The following YTHDF1 variants were observed in gnomAD, a reference collection of about 807,000 sequenced individuals.
YTHDF1 encodes YTH domain-containing family protein 1.
A neutral mutation model predicts 49.1 loss-of-function variants in YTHDF1; 16 were observed. The ratio of observed to expected loss-of-function variants is 0.33; its 90% CI spans 0.22 to 0.49. The LOEUF (loss-of-function observed/expected upper bound fraction) is 0.49. Ranked by LOEUF, YTHDF1 falls within the 20% of genes least tolerant of loss-of-function variation. The probability of loss-of-function intolerance (pLI) is 0.99; values close to 1 mark genes in which losing one functional copy is unlikely to be tolerated. For missense variants in YTHDF1, 621 were observed against 744.3 expected (o/e 0.83, Z 1.93); for synonymous variants, 313 against 290.1 (o/e 1.08, Z -0.80).
chr20:63,215,493 G>C, intron 2 of YTHDF1, 84 bp downstream of exon 2: 2 of 1,581,324 alleles, frequency 1.3e-6, no homozygotes, highest in Non-Finnish European at 1.7e-6. Context: ...GAAAGTTTCC[G>C]GTTCCAGACG....
intron 3 of YTHDF1, among the ~76,000 whole-genome samples, chr20:63,211,068 T>C (rs1235201960): frequency 2.0e-5 from 3 of 151,632 alleles, no homozygotes; most frequent in Non-Finnish European, 2.9e-5. Flanking sequence ...GCAGGCATTC[T>C]CCTAAGACTT....
intron 3 of YTHDF1, among the ~76,000 whole-genome samples, chr20:63,213,061 T>C (rs1000129100): frequency 6.6e-6 from 1 of 152,136 alleles, no homozygotes; most frequent in South Asian, 2.1e-4. Context: ...CAGTTACTAC[T>C]CTCTCTCTTC....
At chr20:63,215,469 G>T in intron 2 of YTHDF1, 108 bp downstream of exon 2, 1 of 1,472,386 alleles carries the variant, frequency 6.8e-7, no homozygotes, top group Non-Finnish European at 9.4e-7. Flanking sequence ...TCTCCCTGAA[G>T]CTGGCGGAAG....
At chr20:63,209,444 ATTT>A (rs912452821) in intron 3 of YTHDF1, among the ~76,000 whole-genome samples, 1 of 152,020 alleles carries the variant, frequency 6.6e-6, no homozygotes. Flanking sequence ...TTTCTATTAA[ATTT>A]TTTTTAACTT....
chr20:63,209,425 A>G (rs2066563489), intron 3 of YTHDF1, among the ~76,000 whole-genome samples: 1 of 152,216 alleles, frequency 6.6e-6, no homozygotes, highest in South Asian at 2.1e-4. Flanking sequence ...TCCTTATTCC[A>G]TAAGCTTTTT....
In YTHDF1 at chr20:63,205,975, TGCA is replaced by T. The variant is rs1425179808; in HGVS notation, c.133-2171_133-2169del. Reference sequence around the variant, plus strand: ...GTTTCCATGATGCTGGCTCCTTTGCTGCAGCCTTTCCCTCGGGTGCTGCCCTGG... The same window carrying T: ...GTTTCCATGATGCTGGCTCCTTTGCTGCCTTTCCCTCGGGTGCTGCCCTGG... On this transcript the variant is annotated intron_variant, in intron 3 of 4. Transcript: ENST00000370339. Among the ~76,000 whole-genome samples, 6 of 151,518 alleles carry T rather than the reference TGCA, an allele frequency of 4.0e-5. No homozygotes were observed. The East Asian group carries it at 1.2e-3, about 30-fold the overall frequency.
At chr20:63,208,054 T>G (rs143253843) in intron 3 of YTHDF1, among the ~76,000 whole-genome samples, 1 of 152,074 alleles carries the variant, frequency 6.6e-6, no homozygotes, top group East Asian at 1.9e-4. Context: ...TTACTCAAAT[T>G]TAACCACATT....
Position 63,202,466 on chromosome 20 carries a change from T to C in YTHDF1, c.1474A>G (p.Ile492Val). Residue 492 changes from isoleucine to valine, a missense_variant, in exon 4 of 5, where the codon ATC (isoleucine) becomes GTC (valine). By Grantham distance (29) the Ile-to-Val change is conservative. This residue lies in a region of YTHDF1 where 151 missense variants were observed against 248.5 expected (regional missense o/e 0.61). Transcript: ENST00000370339. ...KDVPNNQLRHIRLENNDNKPV... is the reference protein window; with the variant it reads ...KDVPNNQLRHVRLENNDNKPV... ...TTGTTGTCGTTATTCTCCAGCCTGA[T>C]GTGCCGGAGCTGGTTATTGGGTACA... 3 of 1,614,298 alleles carry C rather than the reference T, an allele frequency of 1.9e-6. No individual in the cohort carries two copies. Among genetic ancestry groups the C allele is most frequent in the Non-Finnish European group, 2.5e-6 (3 of 1,180,058 alleles).
chr20:63,207,392 C>G (rs1484972910), intron 3 of YTHDF1, among the ~76,000 whole-genome samples: 1 of 151,756 alleles, frequency 6.6e-6, no homozygotes, highest in African/African-American at 2.4e-5. Context: ...TGGCGTGAAC[C>G]CGGGAGGCGG....
chr20:63,203,553 G>C lies in YTHDF1; in HGVS notation c.387C>G (p.Phe129Leu), dbSNP rs779558343. 1.2e-6 allele frequency: 2 copies of C among 1,614,138 alleles called. No individual in the cohort carries two copies. The highest frequency in any genetic ancestry group is 3.3e-5 in the Admixed American group (2 of 60,024). Residue 129 changes from phenylalanine to leucine, a missense_variant, in exon 4 of 5, where the codon TTC becomes TTG. Around this residue, in one of 2 missense-constraint regions of YTHDF1, gnomAD observed 470 missense variants for 495.8 expected, o/e 0.95. Coordinates refer to ENST00000370339, the MANE Select transcript of YTHDF1 (RefSeq NM_017798.4). The surrounding 1 kb of genome is among the most constrained non-coding windows in gnomAD (Gnocchi z 4.4). The stretch of plus-strand genomic sequence containing the variant: ...GAGACCCACTTGTCCCCCATGCTGA[G>C]AACGCAGGGTTTTCAGGGAAAAAAT... ...RFNFFPENPA[F>L]SAWGTSGSQG...
At position 63,202,773 on chromosome 20, in the gene YTHDF1, C is replaced by T; in HGVS notation, c.1167G>A (p.Gly389=). 1.2e-6 allele frequency: 2 copies of T among 1,614,184 alleles called. No homozygotes were observed. Among genetic ancestry groups the T allele is most frequent in the Non-Finnish European group, 1.7e-6 (2 of 1,180,054 alleles). ...AGTAGCTCTTGATGATGAACACACG[C>T]CCGCTTTTCAGATTCCACTCAAACT... ...PKEFEWNLKS[G]RVFIIKSYSE... The change falls in exon 4 of 5, where the codon GGG becomes GGA. Residue 389 remains glycine, a synonymous_variant. Coordinates refer to ENST00000370339, the MANE Select transcript of YTHDF1 (RefSeq NM_017798.4).
intron 3 of YTHDF1, among the ~76,000 whole-genome samples, chr20:63,206,464 G>A (rs2066546624): frequency 6.6e-6 from 1 of 152,250 alleles, no homozygotes; most frequent in Non-Finnish European, 1.5e-5. Flanking sequence ...TGCACAGACA[G>A]AGAGCCCATA....
chr20:63,205,242 G>A (rs750813822), intron 3 of YTHDF1, among the ~76,000 whole-genome samples: 1 of 152,166 alleles, frequency 6.6e-6, no homozygotes, highest in African/African-American at 2.4e-5. Flanking sequence ...GGGACACCAG[G>A]TGGGAAAGTA....
intron 4 of YTHDF1, among the ~76,000 whole-genome samples, chr20:63,199,636 G>A (rs1397740574): frequency 3.9e-5 from 6 of 152,144 alleles, no homozygotes; most frequent in African/African-American, 1.2e-4. Context: ...TCCTGGATGA[G>A]CCACTAGCCC....
At chr20:63,215,524 T>C in intron 2 of YTHDF1, 53 bp downstream of exon 2, 1 of 1,612,352 alleles carries the variant, frequency 6.2e-7, no homozygotes, top group Non-Finnish European at 8.5e-7. Context: ...GACCGTTCCT[T>C]CCCCGTCCTC....
intron 2 of YTHDF1, chr20:63,214,154 TA>T: frequency 4.2e-6 from 4 of 960,826 alleles, no homozygotes; most frequent in Non-Finnish European, 3.7e-6. Flanking sequence ...AAATTTTAAA[TA>T]AAGGCTTAAT....
chr20:63,205,203 A>G (rs1292256020), intron 3 of YTHDF1, among the ~76,000 whole-genome samples: 1 of 152,162 alleles, frequency 6.6e-6, no homozygotes, highest in African/African-American at 2.4e-5. Context: ...ATCAAAGGCT[A>G]CACTATGAAG....
At chr20:63,210,473 G>A (rs929190289) in intron 3 of YTHDF1, among the ~76,000 whole-genome samples, 3 of 152,110 alleles carry the variant, frequency 2.0e-5, no homozygotes, top group Non-Finnish European at 1.5e-5. Flanking sequence ...AGAAGTCCCC[G>A]AGCAGGAAAA....
intron 4 of YTHDF1, among the ~76,000 whole-genome samples, chr20:63,199,445 G>A (rs1366352453): frequency 1.3e-5 from 2 of 148,576 alleles, no homozygotes; most frequent in African/African-American, 5.0e-5. Flanking sequence ...TGTGAACCCA[G>A]GAGGCAGAGC....
Sources: gnomAD v4.1 joint callset for allele counts (sites outside exome capture counted in the v4.1 genomes callset) on GRCh38, gnomAD v4.1.1 for gene constraint, gnomAD v4.1.1 regional missense constraint, Gnocchi (gnomAD v3.1) non-coding constraint, MANE v1.5 for transcripts, NCBI Gene and HGNC (gene_info 2026-07-23, HGNC 2026-07-21) for gene names.